CEP57: variants seen among roughly 807,000 people sequenced by gnomAD.
The protein encoded by CEP57 is centrosomal protein of 57 kDa.
A neutral mutation model predicts 68.0 loss-of-function variants in CEP57; 40 were observed. That is an observed-to-expected ratio of 0.59 (90% CI 0.46 to 0.77). The LOEUF is 0.77. CEP57 is among the 30% of genes least tolerant of loss of function. The pLI, the probability that CEP57 is intolerant of heterozygous loss-of-function variation, is 0.00. For missense variants in CEP57, 606 were observed against 580.7 expected (o/e 1.04, Z -0.45); for synonymous variants, 219 against 198.7 (o/e 1.10, Z -0.86).
At chr11:95,791,296 A>T (rs1037770042) in intron 1 of CEP57, among the ~76,000 whole-genome samples, 1 of 152,174 alleles carries the variant, frequency 6.6e-6, no homozygotes, top group African/African-American at 2.4e-5. Flanking sequence ...ACCTAGAATT[A>T]CTGGAACTTC....
intron 6 of CEP57, among the ~76,000 whole-genome samples, chr11:95,820,320 A>G (rs760835666): frequency 3.3e-5 from 5 of 152,148 alleles, no homozygotes; most frequent in Admixed American, 2.0e-4. Flanking sequence ...GGCAAGTTAT[A>G]TAACTATTCA....
At chr11:95,820,377 G>A (rs1183511566) in intron 6 of CEP57, among the ~76,000 whole-genome samples, 2 of 151,740 alleles carry the variant, frequency 1.3e-5, no homozygotes. Context: ...CTGAGGTCAG[G>A]AGTTTGAGGT....
At chr11:95,810,925 A>T (rs1862032820) in intron 2 of CEP57, among the ~76,000 whole-genome samples, 1 of 152,174 alleles carries the variant, frequency 6.6e-6, no homozygotes, top group Non-Finnish European at 1.5e-5. Flanking sequence ...ATCATTAAAA[A>T]GTCAGGAAAC....
chr11:95,799,847 C>T (rs917840353), intron 2 of CEP57, among the ~76,000 whole-genome samples: 1 of 152,142 alleles, frequency 6.6e-6, no homozygotes, highest in African/African-American at 2.4e-5. Context: ...TCATCTCTCC[C>T]ACAAAATTAA....
intron 2 of CEP57, among the ~76,000 whole-genome samples, chr11:95,801,057 A>G (rs752789261): frequency 3.9e-5 from 6 of 152,208 alleles, no homozygotes; most frequent in Non-Finnish European, 7.4e-5. Flanking sequence ...AAATTAGTTG[A>G]GGAACATTTT....
chr11:95,814,196 G>A (rs1160220809), intron 4 of CEP57, among the ~76,000 whole-genome samples: 1 of 151,968 alleles, frequency 6.6e-6, no homozygotes, highest in East Asian at 1.9e-4. Flanking sequence ...GGGATTACAG[G>A]CGCATGCCAC....
intron 6 of CEP57, among the ~76,000 whole-genome samples, chr11:95,820,554 T>C (rs943191494): frequency 4.1e-5 from 6 of 144,736 alleles, no homozygotes; most frequent in Non-Finnish European, 6.0e-5. Flanking sequence ...TCACACCACC[T>C]GCATTCCATC....
chr11:95,826,776 A>T (rs1238424313), intron 8 of CEP57: 2 of 152,200 alleles, frequency 1.3e-5, no homozygotes, highest in East Asian at 3.8e-4. Flanking sequence ...TGCTAAATAT[A>T]TATTACAAGT....
chr11:95,795,578 C>T (rs572892157), intron 1 of CEP57: 82 of 532,062 alleles, frequency 1.5e-4, no homozygotes, highest in African/African-American at 1.5e-3. Context: ...CTTTGTCTTA[C>T]TCCTGATTTT....
chr11:95,817,410 G>A (rs1003877449), intron 4 of CEP57, among the ~76,000 whole-genome samples: 1 of 151,818 alleles, frequency 6.6e-6, no homozygotes, highest in African/African-American at 2.4e-5. Context: ...AGAATTCAAG[G>A]GAAATATGAA....
At chr11:95,812,814 A>T (rs1862124843) in intron 2 of CEP57, 118 bp from the exon 3 acceptor site, 4 of 878,582 alleles carry the variant, frequency 4.6e-6, no homozygotes, top group Non-Finnish European at 7.7e-6. Context: ...CCAAAGAGTG[A>T]TCCTCCACTG....
chr11:95,792,338 T>C (rs1209166407), intron 1 of CEP57, among the ~76,000 whole-genome samples: 1 of 152,140 alleles, frequency 6.6e-6, no homozygotes, highest in African/African-American at 2.4e-5. Flanking sequence ...CTCTTACAAA[T>C]GTTGAATTGA....
At chr11:95,820,340 T>C (rs1056126004) in intron 6 of CEP57, among the ~76,000 whole-genome samples, 12 of 152,092 alleles carry the variant, frequency 7.9e-5, no homozygotes, top group Non-Finnish European at 1.6e-4. Context: ...AGAGTCTGGA[T>C]TTTTATCATT....
At chr11:95,805,958 T>A (rs651445) in intron 2 of CEP57, among the ~76,000 whole-genome samples, 42,367 of 152,082 alleles carry the variant, frequency 0.28, 7,077 homozygotes, top group Non-Finnish European at 0.38. Flanking sequence ...AATATAATTT[T>A]AAAAATACAA....
At chr11:95,827,527 G>A (rs1228873405) in intron 8 of CEP57, 3 of 429,496 alleles carry the variant, frequency 7.0e-6, no homozygotes, top group Non-Finnish European at 1.3e-5. Flanking sequence ...AGAAGGGGAG[G>A]ATGATAGGAC....
intron 1 of CEP57, chr11:95,794,138 T>G: frequency 2.7e-6 from 1 of 374,786 alleles, no homozygotes. Context: ...TTTCACTAGA[T>G]CTTTTAGAGT....
rs1420683432 is a variant in CEP57 at position 95,831,448 on chromosome 11, C to G, written c.*192C>G. 6 of 512,850 alleles carry G rather than the reference C, an allele frequency of 1.2e-5. No homozygotes were observed. The highest frequency in any genetic ancestry group is 1.9e-5 in the African/African-American group (1 of 51,672). The allele number at this position is 512,850 out of a possible 1,614,324, so 31.8% of individuals were successfully genotyped here. A position where few individuals can be genotyped will look rare whatever the true frequency, so the allele number is the denominator to read the frequency against. ...CAATGTTAAAGCATTTAAATGGAAA[C>G]CAGGGGAGTTTTAAAGCCCGAGAAA... On this transcript the variant is annotated 3_prime_UTR_variant, in exon 11 of 11. Transcript: ENST00000325542.
At chr11:95,809,465 A>G (rs1332152764) in intron 2 of CEP57, among the ~76,000 whole-genome samples, 2 of 152,242 alleles carry the variant, frequency 1.3e-5, no homozygotes, top group Admixed American at 1.3e-4. Context: ...AGACTAATAA[A>G]GAAGTAAAGC....
rs1862164714 is a variant in CEP57, at chr11:95,813,480, AGTT to A, written c.399_401del (p.Leu134del). ...GTATTCTTTTTAGAACTGACATCTC[AGTT>A]GTTAGCTGCAGAAAATAAATGCAAT... On this transcript the variant is annotated inframe_deletion, in exon 4 of 11. Transcript: ENST00000325542. 1 of 1,612,054 alleles carries A rather than the reference AGTT, an allele frequency of 6.2e-7. No individual in the cohort carries two copies. Among genetic ancestry groups the A allele is most frequent in the Non-Finnish European group, 8.5e-7 (1 of 1,179,798 alleles).
Sources: gnomAD v4.1 joint callset for allele counts (sites outside exome capture counted in the v4.1 genomes callset) on GRCh38, gnomAD v4.1.1 for gene constraint, MANE v1.5 for transcripts, NCBI Gene and HGNC (gene_info 2026-07-23, HGNC 2026-07-21) for gene names.